Variants in CADM1 observed in about 807,000 individuals in gnomAD.
The protein encoded by CADM1 is cell adhesion molecule 1.
A neutral mutation model predicts 53.1 loss-of-function variants in CADM1; 15 were observed. That is an observed-to-expected ratio of 0.28 (90% CI 0.19 to 0.44). CADM1 has a LOEUF of 0.44. Among genes scored for constraint, CADM1 ranks in the 20% least tolerant of loss-of-function variants. The probability of loss-of-function intolerance (pLI) is 1.00; values close to 1 mark genes in which losing one functional copy is unlikely to be tolerated. For missense variants in CADM1, 434 were observed against 611.3 expected (o/e 0.71, Z 3.06); for synonymous variants, 281 against 243.0 (o/e 1.16, Z -1.45).
chr11:115,225,249 C>G (rs911892140), intron 5 of CADM1, among the ~76,000 whole-genome samples: 2 of 151,704 alleles, frequency 1.3e-5, no homozygotes, highest in African/African-American at 2.4e-5. Context: ...GCGGCTAATG[C>G]CCCAGAAAAT....
At position 115,170,243 on chromosome 11, in the gene CADM1, C is replaced by T. The variant is rs17118023; in HGVS notation, c.*6231G>A. The T allele has an allele frequency of 0.25, 37,893 of 152,182 alleles. 5,571 individuals carry two copies. The highest frequency in any genetic ancestry group is 0.41 in the African/African-American group (17,011 of 41,342). 9.4% of individuals were successfully genotyped at this position (152,182 alleles called of 1,614,324 possible). A position where few individuals can be genotyped will look rare whatever the true frequency, so the allele number is the denominator to read the frequency against. ...TTTGCCCCTCAGTAGTGGTTCTCAC[C>T]TTCCCCAGATCAACACTTCGAAGGA... On this transcript the variant is annotated 3_prime_UTR_variant, in exon 12 of 12. Transcript: ENST00000331581.
intron 1 of CADM1, among the ~76,000 whole-genome samples, chr11:115,322,412 T>C (rs1232689388): frequency 6.6e-6 from 1 of 152,226 alleles, no homozygotes; most frequent in East Asian, 1.9e-4. Flanking sequence ...TTTATGGAGA[T>C]ATAATTCATA....
intron 1 of CADM1, among the ~76,000 whole-genome samples, chr11:115,295,522 A>G (rs866941703): frequency 4.0e-5 from 3 of 75,444 alleles, no homozygotes; most frequent in African/African-American, 1.0e-4. Flanking sequence ...ATATATATAT[A>G]TATATATATA....
At chr11:115,178,550 T>A (rs1939150249) in intron 11 of CADM1, 94 bp downstream of exon 11, 6 of 966,992 alleles carry the variant, frequency 6.2e-6, no homozygotes, top group East Asian at 3.1e-5. Flanking sequence ...TGTGGCCACA[T>A]ACATCAAATT....
chr11:115,317,405 C>A (rs182065506), intron 1 of CADM1, among the ~76,000 whole-genome samples: 36 of 152,200 alleles, frequency 2.4e-4, no homozygotes, highest in African/African-American at 8.2e-4. Flanking sequence ...ACAACCAATG[C>A]CCTACACGAA....
chr11:115,435,691 A>G (rs1215722554), intron 1 of CADM1, among the ~76,000 whole-genome samples: 1 of 152,200 alleles, frequency 6.6e-6, no homozygotes, highest in Non-Finnish European at 1.5e-5. Flanking sequence ...CAAGTGCACC[A>G]CTGCACTCTA....
At chr11:115,501,235 A>G (rs1949719915) in intron 1 of CADM1, among the ~76,000 whole-genome samples, 1 of 152,214 alleles carries the variant, frequency 6.6e-6, no homozygotes, top group African/African-American at 2.4e-5. Flanking sequence ...GGGATATTTT[A>G]TCAAATCTAT....
intron 1 of CADM1, among the ~76,000 whole-genome samples, chr11:115,458,766 TA>T (rs1948733528): frequency 6.6e-6 from 1 of 152,008 alleles, no homozygotes; most frequent in African/African-American, 2.4e-5. Context: ...TAATTTCCAT[TA>T]ACAGGTCCTC....
intron 1 of CADM1, among the ~76,000 whole-genome samples, chr11:115,267,071 A>G (rs1943161937): frequency 6.6e-6 from 1 of 152,202 alleles, no homozygotes; most frequent in Non-Finnish European, 1.5e-5. Flanking sequence ...TTGATAAAAC[A>G]CTGTTACTGT....
rs377535726 is a variant in CADM1 at position 115,443,368 on chromosome 11, G to T, written c.124+60903C>A. 2.6e-5 allele frequency among the ~76,000 whole-genome samples: 4 copies of T among 152,098 alleles called. No individual in the cohort carries two copies. In the South Asian group the frequency reaches 6.2e-4, roughly 24 times the overall value. ...GACATTTTTTGATAATAAAAGTAAT[G>T]GCAGATTGTACAATAAGCAGAAAGA... On this transcript the variant is annotated intron_variant, in intron 1 of 11. Transcript: ENST00000331581.
At chr11:115,438,805 G>A (rs1948242059) in intron 1 of CADM1, among the ~76,000 whole-genome samples, 1 of 152,000 alleles carries the variant, frequency 6.6e-6, no homozygotes, top group Admixed American at 6.6e-5. Context: ...CTCATTTCAG[G>A]CCTTGGCCAT....
chr11:115,446,629 A>G (rs561712845), intron 1 of CADM1, among the ~76,000 whole-genome samples: 3 of 152,336 alleles, frequency 2.0e-5, no homozygotes, highest in South Asian at 4.1e-4. Context: ...TAAAAGTTAT[A>G]GTGTAAATCA....
intron 1 of CADM1, among the ~76,000 whole-genome samples, chr11:115,368,499 G>T (rs921927256): frequency 3.3e-5 from 5 of 152,130 alleles, no homozygotes; most frequent in African/African-American, 7.2e-5. Context: ...TACTGTAATT[G>T]AAAGATTAGT....
At chr11:115,290,922 G>A (rs542125167) in intron 1 of CADM1, among the ~76,000 whole-genome samples, 15 of 152,246 alleles carry the variant, frequency 9.9e-5, no homozygotes, top group African/African-American at 3.6e-4. Flanking sequence ...CTGGCATCCC[G>A]TCTTCAGCAT....
intron 11 of CADM1, among the ~76,000 whole-genome samples, chr11:115,177,566 G>A (rs1161134958): frequency 6.6e-6 from 1 of 152,086 alleles, no homozygotes; most frequent in Non-Finnish European, 1.5e-5. Context: ...ACGCTTCTCA[G>A]TATCCTTTTT....
intron 6 of CADM1, among the ~76,000 whole-genome samples, chr11:115,217,603 A>AT (rs1941242063): frequency 1.3e-5 from 2 of 152,154 alleles, no homozygotes; most frequent in South Asian, 4.1e-4. Context: ...TATTAGGATT[A>AT]TTTTTTTGTG....
intron 1 of CADM1, among the ~76,000 whole-genome samples, chr11:115,294,773 G>A (rs909992987): frequency 2.0e-5 from 3 of 151,998 alleles, no homozygotes; most frequent in Non-Finnish European, 4.4e-5. Flanking sequence ...CAGTGCTCAC[G>A]CCTGTAATCC....
At position 115,272,406 on chromosome 11, in the gene CADM1, A is replaced by G. The variant is rs987925327; in HGVS notation, c.125-31986T>C. ...GAGTTCCACATTTATTCAGGTGTATATAAAAACTGTTTTCATATTTTAAAA... is the reference window on the plus strand; with the variant it reads ...GAGTTCCACATTTATTCAGGTGTATGTAAAAACTGTTTTCATATTTTAAAA... On this transcript the variant is annotated intron_variant, in intron 1 of 11. Transcript: ENST00000331581. 2.6e-5 allele frequency among the ~76,000 whole-genome samples: 4 copies of G among 152,092 alleles called. No individual in the cohort carries two copies. The South Asian group carries it at 8.3e-4, about 32-fold the overall frequency.
At chr11:115,240,670 C>A in intron 1 of CADM1, 1 of 523,128 alleles carries the variant, frequency 1.9e-6, no homozygotes, top group Non-Finnish European at 3.5e-6. Context: ...GTTTCAGCCT[C>A]TAGTACTTTG....
Sources: allele counts gnomAD v4.1 joint callset (sites outside exome capture counted in the v4.1 genomes callset), GRCh38; gene constraint gnomAD v4.1.1; transcripts MANE v1.5; gene names NCBI Gene and HGNC (gene_info 2026-07-23, HGNC 2026-07-21).